RECQL: variants seen among roughly 807,000 people sequenced by gnomAD.
RECQL encodes the protein RecQ like helicase.
Under a neutral mutation model 75.8 loss-of-function variants are expected in RECQL, and 73 were observed. The observed-to-expected ratio is 0.96, with a 90% CI of 0.80 to 1.17. The LOEUF is 1.17. RECQL is among the 50% of genes most tolerant of loss of function. RECQL has a pLI of 0.00. For missense variants in RECQL, 699 were observed against 772.1 expected (o/e 0.91, Z 1.12); for synonymous variants, 248 against 254.4 (o/e 0.97, Z 0.24).
chr12:21,494,782 G>A (rs957781044), intron 2 of RECQL, among the ~76,000 whole-genome samples: 2 of 152,178 alleles, frequency 1.3e-5, no homozygotes, highest in Non-Finnish European at 1.5e-5. Context: ...AGCATCAGCG[G>A]AGCTCTTCAG....
chr12:21,471,735 A>G, intron 12 of RECQL, 88 bp from the exon 13 acceptor site: 1 of 1,037,016 alleles, frequency 9.6e-7, no homozygotes, highest in Non-Finnish European at 1.5e-6. Flanking sequence ...ACTGGTTTAA[A>G]GCTGGTTATC....
rs762353118 is a variant in RECQL at position 21,491,505 on chromosome 12, A to G, written c.214+14T>C. ...AGAAATAAAACTAGCAAAAAAAAAA[A>G]AAAAAAAGTTAACCTTCTTTATTCC... On this transcript the variant is annotated intron_variant, in intron 3 of 14. Transcript: ENST00000444129. 1.3e-5 allele frequency: 20 copies of G among 1,568,654 alleles called. No individual in the cohort carries two copies. The highest frequency in any genetic ancestry group is 1.6e-5 in the Non-Finnish European group (19 of 1,167,594).
chr12:21,499,595 T>G lies in RECQL; in HGVS notation c.-25A>C. On this transcript the variant is annotated 5_prime_UTR_variant, in exon 2 of 15. Transcript: ENST00000444129. The stretch of plus-strand genomic sequence containing the variant: ...TTCTTTTTCTTTCCAAATTTGTTTC[T>G]AAAATAATCCAAATTTCTTTCTAAA... The G allele has an allele frequency of 6.3e-7, 1 of 1,578,888 alleles. No homozygotes were observed. The highest frequency in any genetic ancestry group is 1.8e-5 in the Admixed American group (1 of 54,400).
At chr12:21,486,377 A>G in intron 5 of RECQL, 102 bp downstream of exon 5, 1 of 1,365,214 alleles carries the variant, frequency 7.3e-7, no homozygotes, top group Non-Finnish European at 9.6e-7. Flanking sequence ...TCCTGATATA[A>G]ATAGTTAACA....
intron 5 of RECQL, among the ~76,000 whole-genome samples, chr12:21,484,110 T>C (rs906928167): frequency 2.0e-5 from 3 of 152,114 alleles, no homozygotes; most frequent in African/African-American, 7.2e-5. Context: ...ATAATAATAA[T>C]AAATCTTAAA....
rs76046052 is a variant in RECQL at position 21,487,897 on chromosome 12, G to A, written c.395-1312C>T. Among the ~76,000 whole-genome samples, 3 of 152,246 alleles carry A rather than the reference G, an allele frequency of 2.0e-5. No homozygotes were observed. The East Asian group carries it at 5.8e-4, about 29-fold the overall frequency. On this transcript the variant is annotated intron_variant, in intron 4 of 14. Coordinates refer to ENST00000444129, the MANE Select transcript of RECQL (RefSeq NM_002907.4). The stretch of plus-strand genomic sequence containing the variant: ...GAAATCTATTAGCATCTTGATCTTG[G>A]ACTTCCCAGCCTCCAGAACTGCAAG...
At chr12:21,496,937 TGATG>T (rs1170584880) in intron 2 of RECQL, among the ~76,000 whole-genome samples, 20 of 152,202 alleles carry the variant, frequency 1.3e-4, no homozygotes, top group Non-Finnish European at 1.5e-5. Context: ...TGTAAGTTTG[TGATG>T]AATGCAGATG....
chr12:21,498,795 A>C (rs1486005741), intron 2 of RECQL, among the ~76,000 whole-genome samples: 2 of 152,218 alleles, frequency 1.3e-5, no homozygotes, highest in Admixed American at 1.3e-4. Flanking sequence ...ACCCATTACC[A>C]ACTGAGAACC....
intron 5 of RECQL, among the ~76,000 whole-genome samples, chr12:21,485,863 G>A (rs1943285902): frequency 2.0e-5 from 3 of 152,088 alleles, no homozygotes; most frequent in Non-Finnish European, 2.9e-5. Flanking sequence ...TCAGTAATAT[G>A]CTTTTTAAAA....
At chr12:21,470,721 T>C (rs2137309757) in intron 14 of RECQL, 1 of 330,100 alleles carries the variant, frequency 3.0e-6, no homozygotes, top group East Asian at 5.4e-5. Flanking sequence ...CAAAATTAGA[T>C]ATTCAAACGG....
At chr12:21,478,239 G>T (rs192579915) in intron 6 of RECQL, among the ~76,000 whole-genome samples, 133 of 152,116 alleles carry the variant, frequency 8.7e-4, no homozygotes, top group African/African-American at 3.1e-3. Context: ...GATAAAACAG[G>T]CCATCAGACA....
At chr12:21,496,194 G>A (rs1268185317) in intron 2 of RECQL, among the ~76,000 whole-genome samples, 1 of 152,224 alleles carries the variant, frequency 6.6e-6, no homozygotes, top group African/African-American at 2.4e-5. Flanking sequence ...GTATGCAGAA[G>A]ACAATGGATT....
chr12:21,475,519 G>A lies in RECQL; in HGVS notation c.1165C>T (p.His389Tyr). 3.1e-6 allele frequency: 5 copies of A among 1,612,872 alleles called. No individual in the cohort carries two copies. Among genetic ancestry groups the A allele is most frequent in the Non-Finnish European group, 4.2e-6 (5 of 1,179,208 alleles). ...TTTTCCATGGATTTACTCATTGAAT[G>A]ATGGATAACAAACCTCACATCTGGC... ...DKPDVRFVIH[H>Y]SMSKSMENYY... Residue 389 changes from histidine to tyrosine, a missense_variant, in exon 10 of 15, where the codon CAT (histidine) becomes TAT (tyrosine). Transcript: ENST00000444129.
At chr12:21,487,333 A>G (rs1463288792) in intron 4 of RECQL, among the ~76,000 whole-genome samples, 1 of 152,208 alleles carries the variant, frequency 6.6e-6, no homozygotes, top group Non-Finnish European at 1.5e-5. Flanking sequence ...TAAACATGAT[A>G]GTTGCATAAG....
rs529801883 is a variant in RECQL at position 21,498,426 on chromosome 12, C to T, written c.16+1129G>A. 1.1e-4 allele frequency among the ~76,000 whole-genome samples: 17 copies of T among 152,270 alleles called. No individual in the cohort carries two copies. The East Asian group carries it at 1.9e-3, about 17-fold the overall frequency. Reference sequence around the variant, plus strand: ...TTTTTGCTTCCCATCCTTGAAACATCGGACTCTTGCTGGCCTAGAGGTCTT... The same window carrying T: ...TTTTTGCTTCCCATCCTTGAAACATTGGACTCTTGCTGGCCTAGAGGTCTT... On this transcript the variant is annotated intron_variant, in intron 2 of 14. Transcript: ENST00000444129.
intron 6 of RECQL, among the ~76,000 whole-genome samples, chr12:21,482,712 G>T (rs761152226): frequency 2.6e-5 from 4 of 152,098 alleles, no homozygotes; most frequent in Non-Finnish European, 4.4e-5. Flanking sequence ...AAATAAGCAG[G>T]GATTAAAAGA....
intron 11 of RECQL, among the ~76,000 whole-genome samples, chr12:21,474,331 C>T (rs555078715): frequency 1.3e-5 from 2 of 152,124 alleles, no homozygotes; most frequent in Admixed American, 6.6e-5. Flanking sequence ...TTTCTGAGCA[C>T]TTCTTATGTG....
chr12:21,482,358 G>T (rs1943207222), intron 6 of RECQL, among the ~76,000 whole-genome samples: 1 of 152,122 alleles, frequency 6.6e-6, no homozygotes, highest in Non-Finnish European at 1.5e-5. Context: ...GAAAGCATCT[G>T]CTAAGTACAA....
At chr12:21,480,279 T>A (rs558972887) in intron 6 of RECQL, among the ~76,000 whole-genome samples, 1 of 152,280 alleles carries the variant, frequency 6.6e-6, no homozygotes, top group South Asian at 2.1e-4. Flanking sequence ...TGATTTGATG[T>A]GTATTTAGAA....
Sources: gnomAD v4.1 joint callset for allele counts (sites outside exome capture counted in the v4.1 genomes callset) on GRCh38, gnomAD v4.1.1 for gene constraint, MANE v1.5 for transcripts, NCBI Gene and HGNC (gene_info 2026-07-23, HGNC 2026-07-21) for gene names.